TLK2: variants seen among roughly 807,000 people sequenced by gnomAD.
TLK2 encodes tousled like kinase 2, also known as serine/threonine-protein kinase tousled-like 2.
In TLK2, 6 loss-of-function variants were observed where a neutral mutation model predicts 117.3. The ratio of observed to expected loss-of-function variants is 0.05; its 90% CI spans 0.03 to 0.10. The LOEUF is 0.10. Among genes scored for constraint, TLK2 ranks in the 10% least tolerant of loss-of-function variants. The pLI, the probability that TLK2 is intolerant of heterozygous loss-of-function variation, is 1.00. For missense variants in TLK2, 299 were observed against 901.2 expected (o/e 0.33, Z 8.56); for synonymous variants, 257 against 316.7 (o/e 0.81, Z 2.00).
chr17:62,538,075 G>T (rs148346831), intron 7 of TLK2, among the ~76,000 whole-genome samples: 3 of 121,266 alleles, frequency 2.5e-5, no homozygotes, highest in Admixed American at 1.1e-4. Flanking sequence ...TGGTTCTGTC[G>T]CCCAGTCTGG....
At position 62,608,157 on chromosome 17, in the gene TLK2, TG is replaced by T; in HGVS notation, c.2079+10del. 17 of 1,608,926 alleles carry T rather than the reference TG, an allele frequency of 1.1e-5. No homozygotes were observed. The highest frequency in any genetic ancestry group is 1.4e-5 in the Non-Finnish European group (16 of 1,178,172). ...TAACACCTGAAGCAAAGGTAAGTTT[TG>T]TTTGACCCATTGGCCAACAGAAACG... On this transcript the variant is annotated intron_variant, in intron 21 of 21. Transcript: ENST00000346027.
chr17:62,611,418 TCAA>T (rs2083753722), intron 21 of TLK2, among the ~76,000 whole-genome samples: 1 of 152,226 alleles, frequency 6.6e-6, no homozygotes, highest in Non-Finnish European at 1.5e-5. Context: ...AGATTTTGTT[TCAA>T]ATCAACTTTG....
upstream of TLK2, among the ~76,000 whole-genome samples, chr17:62,474,997 G>A (rs926135625): frequency 6.6e-6 from 1 of 152,106 alleles, no homozygotes; most frequent in Admixed American, 6.5e-5. Context: ...AGTGAGCAGA[G>A]ATTGTGCCAT....
At chr17:62,587,114 G>C (rs375977367) in intron 16 of TLK2, among the ~76,000 whole-genome samples, 2 of 151,988 alleles carry the variant, frequency 1.3e-5, no homozygotes, top group Admixed American at 6.6e-5. Flanking sequence ...GGGGTAGAGA[G>C]GGGGGGCTTC....
At chr17:62,559,487 C>T (rs906858798) in intron 9 of TLK2, among the ~76,000 whole-genome samples, 5 of 151,488 alleles carry the variant, frequency 3.3e-5, no homozygotes, top group African/African-American at 9.7e-5. Flanking sequence ...AAGCGATTCT[C>T]CCGCCTCAGC....
At chr17:62,573,817 A>G (rs1231026554) in intron 12 of TLK2, among the ~76,000 whole-genome samples, 2 of 152,184 alleles carry the variant, frequency 1.3e-5, no homozygotes, top group African/African-American at 4.8e-5. Context: ...GAAAGCTGTT[A>G]TGTTAGAAAA....
intron 6 of TLK2, among the ~76,000 whole-genome samples, chr17:62,533,039 CAT>C (rs1219609086): frequency 2.6e-5 from 4 of 152,012 alleles, no homozygotes; most frequent in African/African-American, 9.7e-5. Flanking sequence ...TATTAAACAT[CAT>C]ATGTTTAATG....
At chr17:62,610,045 G>T (rs780983882) in intron 21 of TLK2, among the ~76,000 whole-genome samples, 12 of 152,296 alleles carry the variant, frequency 7.9e-5, no homozygotes, top group East Asian at 5.8e-4. Context: ...ACCCAGAGTC[G>T]ATACTGAGGG....
At chr17:62,476,284 T>TTA (rs1485597997), upstream of TLK2, among the ~76,000 whole-genome samples, 6 of 151,844 alleles carry the variant, frequency 4.0e-5, no homozygotes, top group African/African-American at 1.4e-4. Flanking sequence ...CCAGCCTACT[T>TTA]TGAAAAATGG....
intron 11 of TLK2, among the ~76,000 whole-genome samples, chr17:62,569,523 C>T (rs1286698646): frequency 6.7e-6 from 1 of 148,176 alleles, no homozygotes; most frequent in African/African-American, 2.5e-5. Flanking sequence ...GCAACCCCTG[C>T]CCCCTGGGTT....
chr17:62,472,245 G>GT, intron 1 of TLK2, among the ~76,000 whole-genome samples: 1 of 152,154 alleles, frequency 6.6e-6, no homozygotes, highest in East Asian at 1.9e-4. Flanking sequence ...AAATTCCTGT[G>GT]TAAGCCTCGT....
Position 62,516,543 on chromosome 17 carries a change from A to G in TLK2, c.82-4230A>G, listed in dbSNP as rs2075607797. ...GAAGGTAATCACGGAGATACTGGAT[A>G]CACTCATTGGTAAGGTACCAGTAGA... On this transcript the variant is annotated intron_variant, in intron 2 of 21. Coordinates refer to ENST00000346027, the MANE Select transcript of TLK2 (RefSeq NM_006852.6). 5 of 1,609,382 alleles carry G rather than the reference A, an allele frequency of 3.1e-6. No homozygotes were observed. The Admixed American group carries it at 6.7e-5, about 22-fold the overall frequency.
At chr17:62,495,280 C>G (rs2073535482) in intron 2 of TLK2, among the ~76,000 whole-genome samples, 1 of 152,124 alleles carries the variant, frequency 6.6e-6, no homozygotes, top group South Asian at 2.1e-4. Context: ...AGGGAAACTC[C>G]ATCTCAAAAA....
At chr17:62,530,865 G>A (rs763015156) in intron 6 of TLK2, among the ~76,000 whole-genome samples, 1 of 152,012 alleles carries the variant, frequency 6.6e-6, no homozygotes, top group African/African-American at 2.4e-5. Flanking sequence ...GGTATTTTTG[G>A]CTGTGTATAT....
chr17:62,494,445 T>A (rs905551654), intron 2 of TLK2, among the ~76,000 whole-genome samples: 1 of 152,092 alleles, frequency 6.6e-6, no homozygotes, highest in African/African-American at 2.4e-5. Flanking sequence ...TCAGTAGAGA[T>A]GGGGTTTCAC....
At chr17:62,518,215 T>C (rs552435710) in intron 2 of TLK2, among the ~76,000 whole-genome samples, 14 of 152,344 alleles carry the variant, frequency 9.2e-5, no homozygotes, top group South Asian at 2.1e-4. Context: ...TGGGTTAATA[T>C]AGTTTTTAAT....
intron 12 of TLK2, 146 bp downstream of exon 12, chr17:62,573,513 C>T: frequency 9.1e-7 from 1 of 1,095,380 alleles, no homozygotes; most frequent in Non-Finnish European, 1.3e-6. Flanking sequence ...TTGCTCAACT[C>T]ATATAAATGC....
Position 62,570,914 on chromosome 17 carries a change from G to A in TLK2, c.969-2301G>A, listed in dbSNP as rs114398918. Among the ~76,000 whole-genome samples the A allele has an allele frequency of 5.2e-3, 795 of 152,296 alleles. 5 individuals are homozygous for A. Among genetic ancestry groups the A allele is most frequent in the African/African-American group, 0.018 (757 of 41,552 alleles). On this transcript the variant is annotated intron_variant, in intron 11 of 21. Transcript: ENST00000346027. ...CACTGTTAATCTTCAAAGACAAAAT[G>A]TTGTGGCACTCCACTAAGCTACTCT...
chr17:62,542,200 CAG>C (rs2077585445), intron 7 of TLK2, among the ~76,000 whole-genome samples: 1 of 152,186 alleles, frequency 6.6e-6, no homozygotes, highest in Non-Finnish European at 1.5e-5. Flanking sequence ...TTGGATTTCT[CAG>C]AGAGATAACT....
Sources: allele counts gnomAD v4.1 joint callset (sites outside exome capture counted in the v4.1 genomes callset), GRCh38; gene constraint gnomAD v4.1.1; transcripts MANE v1.5; gene names NCBI Gene and HGNC (gene_info 2026-07-23, HGNC 2026-07-21).